PDE1C: variants seen among roughly 807,000 people sequenced by gnomAD.
PDE1C encodes the protein phosphodiesterase 1C.
In PDE1C, 62 loss-of-function variants were observed where a neutral mutation model predicts 93.1. The ratio of observed to expected loss-of-function variants is 0.67; its 90% confidence interval spans 0.54 to 0.82. The LOEUF is 0.82. Ranked by LOEUF, PDE1C falls within the 40% of genes least tolerant of loss-of-function variation. The probability of loss-of-function intolerance (pLI) is 0.00; values close to 1 mark genes in which losing one functional copy is unlikely to be tolerated. For synonymous variants in PDE1C, 325 were observed against 310.1 expected, an observed-to-expected ratio of 1.05 and a Z score of -0.50; for missense variants, 742 against 884.6, an observed-to-expected ratio of 0.84 and a Z score of 2.04.
chr7:32,070,589 T>A, upstream of PDE1C: 2 of 1,428,350 alleles, frequency 1.4e-6, no homozygotes, highest in Non-Finnish European at 1.8e-6. Flanking sequence ...TGGCCCCAGG[T>A]GCGCTCCGGA....
intron 3 of PDE1C, among the ~76,000 whole-genome samples, chr7:32,087,893 C>G (rs1177569161): frequency 3.3e-5 from 5 of 151,460 alleles, no homozygotes; most frequent in Non-Finnish European, 7.4e-5. Context: ...GGAGATATAC[C>G]TAATGCTAAA....
At chr7:32,187,921 T>C (rs1417738564) in intron 2 of PDE1C, among the ~76,000 whole-genome samples, 1 of 152,236 alleles carries the variant, frequency 6.6e-6, no homozygotes, top group South Asian at 2.1e-4. Context: ...AGCCACATTA[T>C]GCAGGACAGC....
chr7:32,000,187 G>T (rs1020338140), intron 2 of PDE1C, among the ~76,000 whole-genome samples: 5 of 152,124 alleles, frequency 3.3e-5, no homozygotes, highest in Non-Finnish European at 5.9e-5. Context: ...CTCAGGAAAG[G>T]GGGGAGCCTT....
chr7:31,690,329 C>G, the PDE1C span, among the ~76,000 whole-genome samples: 1 of 152,338 alleles, frequency 6.6e-6, no homozygotes, highest in East Asian at 1.9e-4. Context: ...TTCATCTTCA[C>G]AGTTACTCCA....
chr7:32,339,565 A>T (rs1408245320), intron 1 of PDE1C, among the ~76,000 whole-genome samples: 1 of 152,224 alleles, frequency 6.6e-6, no homozygotes, highest in Non-Finnish European at 1.5e-5. Flanking sequence ...GAATTAGCCC[A>T]TATTGCTGAG....
Position 32,374,465 on chromosome 7 carries a change from C to T in PDE1C, c.310+53357G>A, listed in dbSNP as rs561579416. On this transcript the variant is annotated intron_variant, in intron 1 of 1. Coordinates refer to the PDE1C transcript ENST00000672256. ...AACATTCACACTTGGTGGCATGAGC[C>T]ACCATGTAAGAAGTTCAACTACTCT... Among the ~76,000 whole-genome samples, 7 of 152,294 alleles carry T rather than the reference C, an allele frequency of 4.6e-5. No individual in the cohort carries two copies. The South Asian group carries it at 1.5e-3, about 32-fold the overall frequency.
chr7:32,145,967 G>A (rs751760212), intron 3 of PDE1C, among the ~76,000 whole-genome samples: 19 of 152,064 alleles, frequency 1.2e-4, no homozygotes, highest in African/African-American at 3.4e-4. Context: ...GATTATCTGC[G>A]GGCCTTTAGA....
At chr7:31,672,380 A>T in the PDE1C span, among the ~76,000 whole-genome samples, 1 of 152,172 alleles carries the variant, frequency 6.6e-6, no homozygotes, top group Non-Finnish European at 1.5e-5. Context: ...CTGTTACTAA[A>T]ATATCACCTC....
At chr7:31,686,231 C>A in the PDE1C span, among the ~76,000 whole-genome samples, 1 of 152,174 alleles carries the variant, frequency 6.6e-6, no homozygotes, top group Non-Finnish European at 1.5e-5. Flanking sequence ...CTGATACCTA[C>A]CTGATCTCCC....
intron 1 of PDE1C, among the ~76,000 whole-genome samples, chr7:32,339,990 CAGCACTGTGT>C (rs1357252825): frequency 6.6e-6 from 1 of 152,082 alleles, no homozygotes; most frequent in Non-Finnish European, 1.5e-5. Flanking sequence ...AAGCTTTAAC[CAGCACTGTGT>C]GATTTTTTTC....
At chr7:31,951,108 C>T (rs990292763) in intron 2 of PDE1C, among the ~76,000 whole-genome samples, 1 of 152,172 alleles carries the variant, frequency 6.6e-6, no homozygotes, top group African/African-American at 2.4e-5. Context: ...GTCTCTTCCT[C>T]TTCTTAAAAA....
the PDE1C span, among the ~76,000 whole-genome samples, chr7:31,641,854 A>G: frequency 6.6e-6 from 1 of 152,188 alleles, no homozygotes; most frequent in African/African-American, 2.4e-5. Context: ...TTTAAGGCAT[A>G]TGTGTTTCCT....
At chr7:31,792,676 C>T (rs946775917) in intron 16 of PDE1C, among the ~76,000 whole-genome samples, 2 of 152,084 alleles carry the variant, frequency 1.3e-5, no homozygotes, top group Non-Finnish European at 2.9e-5. Flanking sequence ...TTTCACTCCA[C>T]ATCCTATCTT....
chr7:32,263,369 G>A (rs1413313642), intron 1 of PDE1C, among the ~76,000 whole-genome samples: 1 of 151,970 alleles, frequency 6.6e-6, no homozygotes, highest in Non-Finnish European at 1.5e-5. Context: ...GTGTGTCTGT[G>A]TGTCTGTGTG....
At chr7:32,108,071 G>C (rs1164190906) in intron 3 of PDE1C, among the ~76,000 whole-genome samples, 1 of 151,348 alleles carries the variant, frequency 6.6e-6, no homozygotes, top group Admixed American at 6.6e-5. Flanking sequence ...AGACAAAAAA[G>C]ATGGAAGATA....
the PDE1C span, chr7:31,697,218 C>A: frequency 1.4e-6 from 2 of 1,440,420 alleles, no homozygotes; most frequent in Middle Eastern, 2.2e-4. Context: ...CCTGCCCCAG[C>A]AAGCTGCGTT....
intron 1 of PDE1C, among the ~76,000 whole-genome samples, chr7:32,397,271 G>A (rs1248778166): frequency 6.6e-6 from 1 of 151,948 alleles, no homozygotes; most frequent in Non-Finnish European, 1.5e-5. Flanking sequence ...ACTAATGCCA[G>A]AAACCCAGAA....
intron 3 of PDE1C, among the ~76,000 whole-genome samples, chr7:32,078,277 A>G (rs1796467305): frequency 6.6e-6 from 1 of 152,186 alleles, no homozygotes; most frequent in African/African-American, 2.4e-5. Context: ...TTGGCAGCAG[A>G]GCTTGGACCA....
chr7:31,753,705 G>A lies in PDE1C; in HGVS notation c.1961-152C>T, dbSNP rs112168704. 2.6e-4 allele frequency among the ~76,000 whole-genome samples: 40 copies of A among 152,294 alleles called. 1 individual carries two copies. The highest frequency in any genetic ancestry group is 9.6e-4 in the African/African-American group (40 of 41,552). On this transcript the variant is annotated intron_variant, in intron 17 of 17. Coordinates refer to ENST00000396191, the MANE Select transcript of PDE1C (RefSeq NM_001191057.4). ...GATTCTCCCTGGAAACCTTATGGCA[G>A]ATAGATGAATAAGCACGTTACCACC... is the stretch of plus-strand genomic sequence containing the variant.
Sources: allele counts gnomAD v4.1 joint callset (sites outside exome capture counted in the v4.1 genomes callset), GRCh38; gene constraint gnomAD v4.1.1; transcripts MANE v1.5; gene names NCBI Gene and HGNC (gene_info 2026-07-23, HGNC 2026-07-21).